The following MECOM variants were observed in gnomAD, a reference collection of about 807,000 sequenced individuals.
MECOM encodes the protein MDS1 and EVI1 complex locus.
MECOM carries 13 observed loss-of-function variants against 116.3 expected under a neutral mutation model. The observed-to-expected ratio is 0.11, with a 90% confidence interval of 0.07 to 0.18. The LOEUF (loss-of-function observed/expected upper bound fraction) is 0.18, where lower values mean the gene tolerates loss of function less well. MECOM is among the 10% of genes least tolerant of loss of function. MECOM has a pLI of 1.00. For synonymous variants in MECOM, 528 were observed against 535.2 expected (o/e 0.99, Z 0.19); for missense variants, 1,299 against 1,509.0 (o/e 0.86, Z 2.31).
At chr3:169,494,098 T>C (rs931926661) in intron 1 of MECOM, among the ~76,000 whole-genome samples, 1 of 152,032 alleles carries the variant, frequency 6.6e-6, no homozygotes, top group East Asian at 1.9e-4. Flanking sequence ...TCTCATAACA[T>C]GTAAACATTA....
intron 2 of MECOM, among the ~76,000 whole-genome samples, chr3:169,184,432 C>T (rs957307485): frequency 2.0e-5 from 3 of 152,264 alleles, no homozygotes; most frequent in South Asian, 2.1e-4. Flanking sequence ...AAGCTAAAGA[C>T]GTTTGGAATT....
intron 2 of MECOM, among the ~76,000 whole-genome samples, chr3:169,205,009 T>C (rs1749709545): frequency 6.6e-6 from 1 of 152,168 alleles, no homozygotes. Context: ...AGCAGTTATT[T>C]CAGTTTTCCT....
chr3:169,553,696 C>T (rs1412282550), intron 1 of MECOM, among the ~76,000 whole-genome samples: 3 of 152,154 alleles, frequency 2.0e-5, no homozygotes, highest in Admixed American at 1.3e-4. Context: ...TGAAGGTGTT[C>T]GCAGGTTTGG....
intron 2 of MECOM, among the ~76,000 whole-genome samples, chr3:169,235,687 C>A (rs564765526): frequency 6.2e-4 from 94 of 152,092 alleles, no homozygotes; most frequent in Non-Finnish European, 1.1e-3. Context: ...TTCCCTGTTT[C>A]TCTGTTACTA....
intron 2 of MECOM, among the ~76,000 whole-genome samples, chr3:169,287,302 C>A (rs1246556919): frequency 3.3e-5 from 5 of 152,170 alleles, no homozygotes; most frequent in Non-Finnish European, 1.5e-5. Context: ...TACCACAGGG[C>A]CTGTCCACTG....
intron 1 of MECOM, among the ~76,000 whole-genome samples, chr3:169,526,921 C>T (rs1758031133): frequency 6.6e-6 from 1 of 151,870 alleles, no homozygotes. Context: ...TTTGCAAAGA[C>T]CTAAAGGAAA....
intron 1 of MECOM, among the ~76,000 whole-genome samples, chr3:169,390,683 G>T (rs1398264272): frequency 2.6e-5 from 4 of 152,154 alleles, no homozygotes; most frequent in Non-Finnish European, 5.9e-5. Flanking sequence ...ATTCAGCTCT[G>T]CATGTGAAAT....
chr3:169,279,375 T>A (rs1446467439), intron 2 of MECOM, among the ~76,000 whole-genome samples: 1 of 152,056 alleles, frequency 6.6e-6, no homozygotes, highest in East Asian at 1.9e-4. Flanking sequence ...TTCCCCCCAC[T>A]ACACAAAAAA....
At chr3:169,155,919 C>G (rs193270930) in intron 2 of MECOM, among the ~76,000 whole-genome samples, 22 of 152,264 alleles carry the variant, frequency 1.4e-4, no homozygotes, top group African/African-American at 5.3e-4. Context: ...TCCTGCAAAG[C>G]CTTCCAGGCC....
Position 169,112,169 on chromosome 3 carries a change from A to C in MECOM, c.2577+618T>G, listed in dbSNP as rs146143275. Among the ~76,000 whole-genome samples the C allele has an allele frequency of 2.7e-3, 404 of 152,320 alleles. 1 individual carries two copies. Among genetic ancestry groups the C allele is most frequent in the African/African-American group, 9.3e-3 (388 of 41,600 alleles). ...AAATTACTAAATGTATAAGGACTTT[A>C]GGATGAACCAATTAGAGATAGTGCT... On this transcript the variant is annotated intron_variant, in intron 9 of 16. Transcript: ENST00000651503.
intron 2 of MECOM, among the ~76,000 whole-genome samples, chr3:169,323,554 C>T (rs1399291898): frequency 2.0e-5 from 3 of 152,092 alleles, no homozygotes; most frequent in Admixed American, 2.0e-4. Context: ...CAATATTGAA[C>T]CCAGAAACTA....
At chr3:169,278,248 T>C (rs1759856173) in intron 2 of MECOM, among the ~76,000 whole-genome samples, 1 of 152,226 alleles carries the variant, frequency 6.6e-6, no homozygotes, top group African/African-American at 2.4e-5. Flanking sequence ...CTGACATTCC[T>C]GGGCTATCAT....
chr3:169,652,919 A>G (rs949949437), intron 1 of MECOM, among the ~76,000 whole-genome samples: 1 of 152,184 alleles, frequency 6.6e-6, no homozygotes, highest in Non-Finnish European at 1.5e-5. Flanking sequence ...TAGGAATTAC[A>G]TGAGTCCACA....
intron 2 of MECOM, among the ~76,000 whole-genome samples, chr3:169,268,739 T>C (rs1758591415): frequency 6.6e-6 from 1 of 152,208 alleles, no homozygotes; most frequent in Non-Finnish European, 1.5e-5. Context: ...ACCAAACAGA[T>C]GCCAGTAGTA....
chr3:169,160,328 G>A (rs1054863686), intron 2 of MECOM, among the ~76,000 whole-genome samples: 7 of 151,708 alleles, frequency 4.6e-5, no homozygotes, highest in Admixed American at 3.3e-4. Context: ...AGAAAAATAA[G>A]AATCTTCAAA....
chr3:169,266,052 A>G (rs542704914), intron 2 of MECOM, among the ~76,000 whole-genome samples: 1 of 152,314 alleles, frequency 6.6e-6, no homozygotes, highest in African/African-American at 2.4e-5. Flanking sequence ...GGTGTTATTT[A>G]TGAGGCAACA....
At chr3:169,092,480 T>C (rs1247991239) in intron 14 of MECOM, among the ~76,000 whole-genome samples, 2 of 152,026 alleles carry the variant, frequency 1.3e-5, no homozygotes, top group African/African-American at 4.8e-5. Flanking sequence ...TATAGAATCA[T>C]ATATTACCTG....
chr3:169,314,803 G>A (rs971740923), intron 2 of MECOM, among the ~76,000 whole-genome samples: 3 of 152,144 alleles, frequency 2.0e-5, no homozygotes, highest in African/African-American at 7.2e-5. Context: ...TTAGGGCAAC[G>A]ATATTCTTAC....
At chr3:169,137,947 C>CA (rs1369937462) in intron 3 of MECOM, among the ~76,000 whole-genome samples, 1 of 152,050 alleles carries the variant, frequency 6.6e-6, no homozygotes, top group African/African-American at 2.4e-5. Context: ...ATCCATTAGC[C>CA]ACCTGTCTTT....
Sources: gnomAD v4.1 joint callset for allele counts (sites outside exome capture counted in the v4.1 genomes callset) on GRCh38, gnomAD v4.1.1 for gene constraint, MANE v1.5 for transcripts, NCBI Gene and HGNC (gene_info 2026-07-23, HGNC 2026-07-21) for gene names.